Variants in MGAT4C observed in about 807,000 individuals in gnomAD.
MGAT4C encodes alpha-1,3-mannosyl-glycoprotein 4-beta-N-acetylglucosaminyltransferase C.
A neutral mutation model predicts 40.1 loss-of-function variants in MGAT4C; 19 were observed. That is an observed-to-expected ratio of 0.47 (90% CI 0.33 to 0.70). The LOEUF is 0.70. MGAT4C is among the 30% of genes least tolerant of loss of function. The pLI, the probability that MGAT4C is intolerant of heterozygous loss-of-function variation, is 0.02. For missense variants in MGAT4C, 491 were observed against 563.2 expected, an observed-to-expected ratio of 0.87 and a Z score of 1.30; for synonymous variants, 181 against 187.1, an observed-to-expected ratio of 0.97 and a Z score of 0.27.
intron 2 of MGAT4C, among the ~76,000 whole-genome samples, chr12:86,041,820 G>T (rs576268918): frequency 2.0e-5 from 3 of 152,246 alleles, no homozygotes; most frequent in East Asian, 3.9e-4. Context: ...GAGTTCTGTA[G>T]GTGTCTATTA....
intron 2 of MGAT4C, among the ~76,000 whole-genome samples, chr12:86,623,776 C>G (rs531665158): frequency 6.6e-6 from 1 of 152,258 alleles, no homozygotes; most frequent in South Asian, 2.1e-4. Flanking sequence ...ATGTATGAAA[C>G]ATTTGTCAAA....
At chr12:86,558,903 T>G (rs528033861) in intron 2 of MGAT4C, among the ~76,000 whole-genome samples, 21 of 151,970 alleles carry the variant, frequency 1.4e-4, no homozygotes, top group African/African-American at 4.3e-4. Flanking sequence ...CAAATCCAAT[T>G]TTTCACTTAA....
At chr12:86,580,212 C>A (rs1340115294) in intron 2 of MGAT4C, among the ~76,000 whole-genome samples, 1 of 151,366 alleles carries the variant, frequency 6.6e-6, no homozygotes, top group Non-Finnish European at 1.5e-5. Context: ...AGTGACTGCT[C>A]AAATTTAAAT....
intron 1 of MGAT4C, among the ~76,000 whole-genome samples, chr12:86,748,884 A>G (rs1951193696): frequency 6.6e-6 from 1 of 151,504 alleles, no homozygotes; most frequent in Admixed American, 6.6e-5. Context: ...AGTTATTAAT[A>G]TTTAAAAGTG....
At chr12:86,224,239 A>T (rs990432808) in intron 1 of MGAT4C, among the ~76,000 whole-genome samples, 92 of 152,334 alleles carry the variant, frequency 6.0e-4, no homozygotes, top group African/African-American at 2.2e-3. Flanking sequence ...ATATAATGAT[A>T]AAGAGATCAA....
chr12:86,086,840 T>C (rs1871940230), intron 1 of MGAT4C, among the ~76,000 whole-genome samples: 2 of 152,032 alleles, frequency 1.3e-5, no homozygotes, highest in South Asian at 4.1e-4. Context: ...ATTTCCAAGT[T>C]TCTGGTAACC....
At chr12:86,537,948 G>A (rs368252027) in intron 2 of MGAT4C, among the ~76,000 whole-genome samples, 1 of 152,066 alleles carries the variant, frequency 6.6e-6, no homozygotes, top group Non-Finnish European at 1.5e-5. Flanking sequence ...TTAGCCAGGC[G>A]TGGTGGTGGG....
At chr12:86,698,409 A>G (rs1365606776) in intron 2 of MGAT4C, among the ~76,000 whole-genome samples, 1 of 151,882 alleles carries the variant, frequency 6.6e-6, no homozygotes, top group African/African-American at 2.4e-5. Context: ...GTGTGAACTT[A>G]ACAGATTGGC....
At chr12:86,448,988 T>C (rs1353772441) in intron 2 of MGAT4C, among the ~76,000 whole-genome samples, 1 of 152,202 alleles carries the variant, frequency 6.6e-6, no homozygotes, top group Non-Finnish European at 1.5e-5. Context: ...TTATTAAATC[T>C]ACAGATGTTC....
At chr12:86,448,760 G>T (rs761958575) in intron 2 of MGAT4C, among the ~76,000 whole-genome samples, 5 of 152,008 alleles carry the variant, frequency 3.3e-5, no homozygotes, top group Non-Finnish European at 5.9e-5. Flanking sequence ...TCAACTTTAT[G>T]TGTGTTTAAC....
At chr12:86,513,374 A>G (rs533989216) in intron 2 of MGAT4C, among the ~76,000 whole-genome samples, 22 of 152,258 alleles carry the variant, frequency 1.4e-4, no homozygotes, top group Non-Finnish European at 2.8e-4. Flanking sequence ...TGATGTACCT[A>G]AAATGATTTC....
At chr12:86,003,809 C>G (rs1887597705) in intron 2 of MGAT4C, among the ~76,000 whole-genome samples, 1 of 141,102 alleles carries the variant, frequency 7.1e-6, no homozygotes, top group African/African-American at 2.5e-5. Context: ...TAATGCAAAA[C>G]TAGATTTTTT....
At chr12:86,494,547 A>T (rs934084187) in intron 2 of MGAT4C, among the ~76,000 whole-genome samples, 1 of 151,814 alleles carries the variant, frequency 6.6e-6, no homozygotes. Context: ...AATATATTTT[A>T]TTTAGTTATG....
Position 86,394,912 on chromosome 12 carries a change from G to A in MGAT4C, c.-120+40245C>T, listed in dbSNP as rs547526741. Among the ~76,000 whole-genome samples, 10 of 151,748 alleles carry A rather than the reference G, an allele frequency of 6.6e-5. No individual in the cohort carries two copies. In the South Asian group the frequency reaches 1.0e-3, roughly 16 times the overall value. ...AATACAGGTGTGAGACACCACACCC[G>A]GCTTAATTATGTTTTTTTGAGGAAT... On this transcript the variant is annotated intron_variant, in intron 3 of 7. Coordinates refer to the MGAT4C transcript ENST00000548651.
At chr12:86,828,598 T>C (rs1952855155) in intron 1 of MGAT4C, among the ~76,000 whole-genome samples, 1 of 151,332 alleles carries the variant, frequency 6.6e-6, no homozygotes, top group Non-Finnish European at 1.5e-5. Flanking sequence ...GAGTGCACAA[T>C]CACAAAAAGT....
At chr12:86,352,250 G>A (rs531526738) in intron 3 of MGAT4C, among the ~76,000 whole-genome samples, 21 of 151,764 alleles carry the variant, frequency 1.4e-4, no homozygotes, top group Non-Finnish European at 2.7e-4. Flanking sequence ...CTAAAACAGT[G>A]GCTTAAACAT....
At position 86,451,161 on chromosome 12, in the gene MGAT4C, G is replaced by A. The variant is rs112162435; in HGVS notation, c.-228-15896C>T. Among the ~76,000 whole-genome samples the A allele has an allele frequency of 3.2e-3, 490 of 152,186 alleles. 1 individual carries two copies. Among genetic ancestry groups the A allele is most frequent in the African/African-American group, 0.011 (473 of 41,526 alleles). On this transcript the variant is annotated intron_variant, in intron 2 of 7. Coordinates refer to the MGAT4C transcript ENST00000548651. ...TCACAAATGGTTTAGCACCATTCCT[G>A]TTGGTACTGTCATCATGATAGTGAG...
In MGAT4C at chr12:86,825,306, T is replaced by A. The variant is rs954173219; in HGVS notation, c.-262+13360A>T. 4.0e-5 allele frequency among the ~76,000 whole-genome samples: 6 copies of A among 151,314 alleles called. No individual in the cohort carries two copies. In the South Asian group the frequency reaches 8.3e-4, roughly 21 times the overall value. On this transcript the variant is annotated intron_variant, in intron 1 of 7. Coordinates refer to the MGAT4C transcript ENST00000548651. ...TCCATAAATGTGAGTAAGATAATTT[T>A]AAAAAAGAAAACTTTTCAGATATTA... is the stretch of plus-strand genomic sequence containing the variant.
chr12:86,561,190 C>A (rs1959847155), intron 2 of MGAT4C, among the ~76,000 whole-genome samples: 1 of 152,060 alleles, frequency 6.6e-6, no homozygotes, highest in Non-Finnish European at 1.5e-5. Context: ...AGATTTCTGT[C>A]AAAATACTCA....
Sources: allele counts gnomAD v4.1 joint callset (sites outside exome capture counted in the v4.1 genomes callset), GRCh38; gene constraint gnomAD v4.1.1; transcripts MANE v1.5; gene names NCBI Gene and HGNC (gene_info 2026-07-23, HGNC 2026-07-21).